Variants in YTHDC2 observed in about 807,000 individuals in gnomAD.
YTHDC2 encodes YTH N6-methyladenosine RNA binding protein C2.
YTHDC2 carries 45 observed loss-of-function variants against 174.9 expected under a neutral mutation model. The ratio of observed to expected loss-of-function variants is 0.26; its 90% CI spans 0.20 to 0.33. The LOEUF (loss-of-function observed/expected upper bound fraction) is 0.33, where lower values mean the gene tolerates loss of function less well. Among genes scored for constraint, YTHDC2 ranks in the 10% least tolerant of loss-of-function variants. The probability of loss-of-function intolerance (pLI) is 1.00; values close to 1 mark genes in which losing one functional copy is unlikely to be tolerated. For synonymous variants in YTHDC2, 657 were observed against 574.5 expected (o/e 1.14, Z -2.05); for missense variants, 1,650 against 1,723.7 (o/e 0.96, Z 0.76).
intron 12 of YTHDC2, among the ~76,000 whole-genome samples, 195 bp from the exon 13 acceptor site, chr5:113,552,986 C>G (rs1158554518): frequency 6.6e-6 from 1 of 151,898 alleles, no homozygotes; most frequent in Non-Finnish European, 1.5e-5. Context: ...TCAGATTGTG[C>G]TTTTCTAAAA....
rs748530235 is a variant in YTHDC2, at chr5:113,548,995, A to G, written c.1663A>G (p.Ile555Val). 9 of 1,612,996 alleles carry G rather than the reference A, an allele frequency of 5.6e-6. No individual in the cohort carries two copies. The highest frequency in any genetic ancestry group is 7.6e-6 in the Non-Finnish European group (9 of 1,179,424). Residue 555 changes from isoleucine to valine, a missense_variant, in exon 12 of 30, where the codon ATT becomes GTT. Ile to Val is a conservative substitution (Grantham distance 29). Coordinates refer to ENST00000161863, the MANE Select transcript of YTHDC2 (RefSeq NM_022828.5). ...DWAKHFGQTE[I>V]VDLLESYSAT... Reference sequence around the variant, plus strand: ...GGCTAAACACTTTGGGCAGACTGAAATTGTGGATCTTCTAGAATCTTACAG... The same window carrying G: ...GGCTAAACACTTTGGGCAGACTGAAGTTGTGGATCTTCTAGAATCTTACAG...
chr5:113,519,396 T>C (rs1161316426), intron 2 of YTHDC2, among the ~76,000 whole-genome samples: 1 of 152,190 alleles, frequency 6.6e-6, no homozygotes, highest in Non-Finnish European at 1.5e-5. Context: ...AAAGGCTCAC[T>C]TTTCTAAGTC....
Position 113,593,346 on chromosome 5 carries a change from A to T in YTHDC2, c.4256A>T (p.Glu1419Val), listed in dbSNP as rs1417688854. ...GGTGAACAGTTGCTCCAGTTATGGG[A>T]ACGTCTTCCCTTGGGAGAAAAAAAC... ...LVGEQLLQLW[E>V]RLPLGEKNTT... Residue 1419 changes from glutamate to valine, a missense_variant, in exon 29 of 30, where the codon GAA becomes GTA. Coordinates refer to ENST00000161863, the MANE Select transcript of YTHDC2 (RefSeq NM_022828.5). 1.9e-6 allele frequency: 3 copies of T among 1,612,768 alleles called. No individual in the cohort carries two copies. The highest frequency in any genetic ancestry group is 1.7e-5 in the Admixed American group (1 of 59,942).
intron 4 of YTHDC2, among the ~76,000 whole-genome samples, chr5:113,529,078 A>G (rs916328280): frequency 6.6e-6 from 1 of 151,974 alleles, no homozygotes; most frequent in Admixed American, 6.6e-5. Flanking sequence ...GCCTATAGAT[A>G]TGCCTCATTG....
At chr5:113,578,366 G>GGTTTTGTTTTGTTTT (rs113610272) in intron 23 of YTHDC2, among the ~76,000 whole-genome samples, 11 of 148,824 alleles carry the variant, frequency 7.4e-5, no homozygotes, top group African/African-American at 2.5e-4. Flanking sequence ...TGGCATAGAA[G>GGTTTTGTTTTGTTTT]GTTTTGTTTT....
At chr5:113,572,451 G>T (rs2112757192) in intron 23 of YTHDC2, among the ~76,000 whole-genome samples, 1 of 152,318 alleles carries the variant, frequency 6.6e-6, no homozygotes, top group East Asian at 1.9e-4. Flanking sequence ...CTTGTTTTTG[G>T]GTAGAGAGTT....
chr5:113,558,183 G>A (rs1049903587), intron 17 of YTHDC2, among the ~76,000 whole-genome samples: 1 of 152,196 alleles, frequency 6.6e-6, no homozygotes, highest in Non-Finnish European at 1.5e-5. Context: ...ATAGAATTTA[G>A]TTTAGAGAAT....
chr5:113,556,456 A>C, intron 17 of YTHDC2: 1 of 177,314 alleles, frequency 5.6e-6, no homozygotes, highest in Non-Finnish European at 1.2e-5. Flanking sequence ...TTTGAAATCA[A>C]CTAAAGGCCA....
In YTHDC2 at chr5:113,591,077, G is replaced by A; in HGVS notation, c.3862G>A (p.Val1288Ile). ...TCCTTCGCCAAGACCAAACATGCCT[G>A]TTCGATACTTCATAATGAAGAGTAG... is the stretch of plus-strand genomic sequence containing the variant. Reference protein sequence around the residue: ...KSPSPRPNMPVRYFIMKSSNL... With the variant: ...KSPSPRPNMPIRYFIMKSSNL... Residue 1288 changes from valine to isoleucine, a missense_variant, in exon 27 of 30, where the codon GTT becomes ATT. Transcript: ENST00000161863. 1 of 1,613,880 alleles carries A rather than the reference G, an allele frequency of 6.2e-7. No individual in the cohort carries two copies. Among genetic ancestry groups the A allele is most frequent in the Non-Finnish European group, 8.5e-7 (1 of 1,179,874 alleles).
intron 23 of YTHDC2, among the ~76,000 whole-genome samples, chr5:113,573,306 T>C (rs577917490): frequency 6.6e-6 from 1 of 152,316 alleles, no homozygotes; most frequent in South Asian, 2.1e-4. Context: ...CCCAATCTCT[T>C]CTGGCTTGTA....
At chr5:113,562,277 GGTGTGTGTGT>G (rs899167363) in intron 18 of YTHDC2, among the ~76,000 whole-genome samples, 3 of 117,350 alleles carry the variant, frequency 2.6e-5, no homozygotes, top group Admixed American at 9.0e-5. Flanking sequence ...GGTGTGTGTG[GGTGTGTGTGT>G]GTGTTTTAAG....
At chr5:113,552,553 T>G (rs1288708059) in intron 12 of YTHDC2, among the ~76,000 whole-genome samples, 1 of 152,182 alleles carries the variant, frequency 6.6e-6, no homozygotes, top group African/African-American at 2.4e-5. Context: ...TTTGTTTGTA[T>G]ATTTGTCAAT....
At chr5:113,562,342 A>G (rs1020964563) in intron 18 of YTHDC2, among the ~76,000 whole-genome samples, 4 of 148,674 alleles carry the variant, frequency 2.7e-5, no homozygotes, top group African/African-American at 1.0e-4. Flanking sequence ...CTTCTAGGGA[A>G]GATTAGCAGA....
At chr5:113,580,165 G>T (rs1176667114) in intron 24 of YTHDC2, among the ~76,000 whole-genome samples, 1 of 152,018 alleles carries the variant, frequency 6.6e-6, no homozygotes, top group African/African-American at 2.4e-5. Context: ...TGAAGCCAGA[G>T]CCCTCATGAC....
chr5:113,526,815 A>T, intron 4 of YTHDC2, 30 bp downstream of exon 4: 2 of 338,458 alleles, frequency 5.9e-6, no homozygotes, highest in Non-Finnish European at 4.1e-6. Flanking sequence ...TTTATAGAAA[A>T]AAAAAAAAAA....
At chr5:113,589,394 T>TA (rs1778867315) in intron 26 of YTHDC2, among the ~76,000 whole-genome samples, 2 of 43,426 alleles carry the variant, frequency 4.6e-5, no homozygotes, top group Admixed American at 6.4e-4. Flanking sequence ...CTTTTAAAAA[T>TA]TAAAAAAAAA....
chr5:113,519,658 A>C (rs929480274), intron 2 of YTHDC2, among the ~76,000 whole-genome samples: 6 of 152,214 alleles, frequency 3.9e-5, no homozygotes, highest in African/African-American at 1.4e-4. Context: ...CCATGGACTT[A>C]AAATCAAGAT....
rs1778242215 is a variant in YTHDC2, at chr5:113,579,144, T to A, written c.3245-442T>A. On this transcript the variant is annotated intron_variant, in intron 23 of 29. Transcript: ENST00000161863. ...TATAATTTTCTATTTTCTTCTACTT[T>A]TCTTTGGGTTTTATGTTATTTTTCT... 2.0e-5 allele frequency among the ~76,000 whole-genome samples: 3 copies of A among 152,154 alleles called. No homozygotes were observed. In the South Asian group the frequency reaches 6.2e-4, roughly 32 times the overall value.
chr5:113,541,338 C>T (rs2112619843), intron 9 of YTHDC2, among the ~76,000 whole-genome samples: 1 of 152,086 alleles, frequency 6.6e-6, no homozygotes, highest in South Asian at 2.1e-4. Context: ...ACTATAGGCG[C>T]CCGCCACCAT....
Sources: allele counts gnomAD v4.1 joint callset (sites outside exome capture counted in the v4.1 genomes callset), GRCh38; gene constraint gnomAD v4.1.1; transcripts MANE v1.5; gene names NCBI Gene and HGNC (gene_info 2026-07-23, HGNC 2026-07-21).